EP400: variants seen among roughly 807,000 people sequenced by gnomAD.
EP400 encodes the protein E1A-binding protein p400.
EP400 carries 105 observed loss-of-function variants against 354.1 expected under a neutral mutation model. The observed-to-expected ratio is 0.30, with a 90% CI of 0.25 to 0.35. The LOEUF (loss-of-function observed/expected upper bound fraction) is 0.35. Ranked by LOEUF, EP400 falls within the 10% of genes least tolerant of loss-of-function variation. EP400 has a pLI of 1.00. For missense variants in EP400, 3,280 were observed against 4,121.0 expected (o/e 0.80, Z 5.59); for synonymous variants, 1,646 against 1,716.9 (o/e 0.96, Z 1.02).
intron 30 of EP400, among the ~76,000 whole-genome samples, chr12:132,037,304 G>A (rs1306383057): frequency 6.6e-6 from 1 of 152,248 alleles, no homozygotes; most frequent in Non-Finnish European, 1.5e-5. Context: ...AAGCCAGTCT[G>A]TGAAGTGATC....
intron 7 of EP400, among the ~76,000 whole-genome samples, chr12:131,988,492 G>A (rs1309209497): frequency 6.6e-6 from 1 of 152,184 alleles, no homozygotes; most frequent in African/African-American, 2.4e-5. Context: ...ACAGCAAGGG[G>A]CTGTCCTAGG....
At chr12:131,954,031 T>C (rs1219740650) in intron 1 of EP400, among the ~76,000 whole-genome samples, 1 of 152,098 alleles carries the variant, frequency 6.6e-6, no homozygotes, top group African/African-American at 2.4e-5. Context: ...GAGAATCGCT[T>C]GAGCCCAGGA....
intron 30 of EP400, among the ~76,000 whole-genome samples, chr12:132,035,062 C>A (rs553232537): frequency 1.3e-5 from 2 of 152,136 alleles, no homozygotes; most frequent in African/African-American, 2.4e-5. Flanking sequence ...TACATAAAGA[C>A]CCCCCCTTAC....
At chr12:132,053,285 G>A (rs559561488) in intron 42 of EP400, 58 bp from the exon 43 acceptor site, 2 of 1,607,926 alleles carry the variant, frequency 1.2e-6, no homozygotes, top group Non-Finnish European at 1.7e-6. Context: ...CTTCATCCAG[G>A]GGGTATGCAG....
intron 5 of EP400, among the ~76,000 whole-genome samples, chr12:131,985,250 A>G (rs1220756791): frequency 6.6e-6 from 1 of 152,272 alleles, no homozygotes; most frequent in Non-Finnish European, 1.5e-5. Flanking sequence ...GTCAAGGGCC[A>G]GGGAGTAAAT....
chr12:132,020,139 C>T lies in EP400; in HGVS notation c.4368C>T (p.Thr1456=). ...ACCCGCCCCGGACGGCAGCCCCCAC[C>T]ACGGCCTCTGCTGCTCCACAGGGCC... ...STHPPRTAAP[T]TASAAPQGPL... The change falls in exon 22 of 53, where the codon ACC becomes ACT. Residue 1456 remains threonine, a synonymous_variant. Coordinates refer to ENST00000389561, the MANE Select transcript of EP400 (RefSeq NM_015409.5). 6.2e-7 allele frequency: 1 copy of T among 1,611,986 alleles called. No individual in the cohort carries two copies. Among genetic ancestry groups the T allele is most frequent in the Non-Finnish European group, 8.5e-7 (1 of 1,179,248 alleles).
chr12:132,017,721 G>A lies in EP400; in HGVS notation c.4110G>A (p.Lys1370=). 6.6e-7 allele frequency: 1 copy of A among 1,515,538 alleles called. No individual in the cohort carries two copies. The highest frequency in any genetic ancestry group is 8.8e-7 in the Non-Finnish European group (1 of 1,132,556). 93.9% of individuals were successfully genotyped at this position (1,515,538 alleles called of 1,614,324 possible). A position where few individuals can be genotyped will look rare whatever the true frequency, so the allele number is the denominator to read the frequency against. The change falls in exon 20 of 53, where the codon AAG becomes AAA. Residue 1370 remains lysine, a splice_region_variant and synonymous_variant. Coordinates refer to ENST00000389561, the MANE Select transcript of EP400 (RefSeq NM_015409.5). The surrounding 1 kb of genome is among the most constrained non-coding windows in gnomAD (Gnocchi z 5.0). ...AGGCACTGGAGAGAGATTTCTGGAA[G>A]GTAAGTGGAGGATCCAGAAAGCGGA... is the stretch of plus-strand genomic sequence containing the variant. ...ILKALERDFW[K]EADLSMFDLI...
intron 12 of EP400, among the ~76,000 whole-genome samples, chr12:132,004,077 A>G (rs1481489686): frequency 6.6e-6 from 1 of 152,228 alleles, no homozygotes; most frequent in African/African-American, 2.4e-5. Context: ...CATTTCTGTC[A>G]TTCCTCTGGA....
intron 45 of EP400, among the ~76,000 whole-genome samples, chr12:132,056,204 A>G (rs1411223199): frequency 6.6e-6 from 1 of 152,122 alleles, no homozygotes; most frequent in Non-Finnish European, 1.5e-5. Flanking sequence ...CAAATAGTTC[A>G]CAGACCCAGG....
In EP400 at chr12:131,961,951, CGAG is replaced by C; in HGVS notation, c.1334_1335+1del. 6.2e-7 allele frequency: 1 copy of C among 1,610,024 alleles called. No homozygotes were observed. Among genetic ancestry groups the C allele is most frequent in the Non-Finnish European group, 8.5e-7 (1 of 1,178,418 alleles). ...AAGAAAAATCTGAGGTTATCAATGA[CGAG>C]GTAAGAAACAGGAGTTAATTTGTTT... On this transcript the variant is annotated inframe_deletion and splice_region_variant, in exon 2 of 53. Transcript: ENST00000389561.
chr12:131,975,292 G>T (rs746731686), intron 2 of EP400, among the ~76,000 whole-genome samples: 33 of 152,202 alleles, frequency 2.2e-4, no homozygotes, highest in Non-Finnish European at 4.3e-4. Context: ...GTGTGTTCAT[G>T]TAGATATCCA....
intron 1 of EP400, among the ~76,000 whole-genome samples, chr12:131,953,977 G>C (rs1891605620): frequency 6.6e-6 from 1 of 152,112 alleles, no homozygotes; most frequent in Non-Finnish European, 1.5e-5. Flanking sequence ...GCCGGTTGTG[G>C]TGGCTCACAC....
intron 1 of EP400, among the ~76,000 whole-genome samples, chr12:131,960,198 C>T (rs1003777782): frequency 1.3e-5 from 2 of 152,190 alleles, no homozygotes; most frequent in Admixed American, 6.5e-5. Flanking sequence ...TTGAACAGCT[C>T]ACAGATACTC....
At position 132,045,067 on chromosome 12, in the gene EP400, C is replaced by T. The variant is rs575289007; in HGVS notation, c.6784+114C>T. The T allele has an allele frequency of 2.1e-4, 306 of 1,461,330 alleles. No individual in the cohort carries two copies. In the African/African-American group the frequency reaches 4.0e-3, roughly 19 times the overall value. The allele number at this position is 1,461,330 out of a possible 1,614,324, so 90.5% of individuals were successfully genotyped here. ...TGCTGTCTGCCTGTCTGCTGCAGGG[C>T]TAGCGATCACACGCCCATCCGCTGC... On this transcript the variant is annotated intron_variant, in intron 37 of 52. Transcript: ENST00000389561.
At chr12:131,987,977 G>T in intron 7 of EP400, 87 bp downstream of exon 7, 68 of 636,336 alleles carry the variant, frequency 1.1e-4, no homozygotes, top group Non-Finnish European at 1.4e-4. Context: ...GAGGTCTCCA[G>T]ACCCACTTTT....
intron 29 of EP400, chr12:132,031,109 G>C (rs1258875833): frequency 2.3e-6 from 1 of 430,714 alleles, no homozygotes; most frequent in Non-Finnish European, 4.6e-6. Context: ...GTTGGTCAGT[G>C]ATTAGGTTTC....
At chr12:132,061,865 C>T (rs969483108) in intron 45 of EP400, among the ~76,000 whole-genome samples, 5 of 152,234 alleles carry the variant, frequency 3.3e-5, no homozygotes, top group Non-Finnish European at 5.9e-5. Flanking sequence ...AGCATGTGCA[C>T]GGGCGTGCCG....
Position 131,990,655 on chromosome 12 carries a change from G to A in EP400, c.2570G>A (p.Arg857Gln), listed in dbSNP as rs1254583863. The A allele has an allele frequency of 9.9e-6, 16 of 1,611,488 alleles. No homozygotes were observed. The highest frequency in any genetic ancestry group is 1.3e-5 in the Non-Finnish European group (15 of 1,178,336). Residue 857 changes from arginine (R) to glutamine (Q), a missense_variant, in exon 9 of 53, where the codon CGA (arginine) becomes CAA (glutamine). By Grantham distance (43) the Arg-to-Gln change is conservative. Transcript: ENST00000389561. The surrounding 1 kb of genome is among the most constrained non-coding windows in gnomAD (Gnocchi z 4.2). ...ATTTAGGTTGTGGAAATAAAACTAC[G>A]AGTAGAATTAGAAGAAAAAAGGAAG... Reference protein sequence around the residue: ...NIEQVVEIKLRVELEEKRKKA... With the variant: ...NIEQVVEIKLQVELEEKRKKA...
chr12:132,031,603 G>A (rs558968452), intron 29 of EP400, among the ~76,000 whole-genome samples: 1 of 152,314 alleles, frequency 6.6e-6, no homozygotes, highest in South Asian at 2.1e-4. Context: ...CTGTCGCCGA[G>A]GCTGGAGTAC....
Sources: allele counts gnomAD v4.1 joint callset (sites outside exome capture counted in the v4.1 genomes callset), GRCh38; gene constraint gnomAD v4.1.1; non-coding constraint Gnocchi (gnomAD v3.1); transcripts MANE v1.5; gene names NCBI Gene and HGNC (gene_info 2026-07-23, HGNC 2026-07-21).